LOC400499: variants seen among roughly 807,000 people sequenced by gnomAD.
At chr16:11,517,029 G>C in the LOC400499 span, among the ~76,000 whole-genome samples, 1 of 152,114 alleles carries the variant, frequency 6.6e-6, no homozygotes, top group Non-Finnish European at 1.5e-5. Context: ...CCCCTCTTCT[G>C]CCTAAAGACA....
chr16:11,388,000 G>A, the LOC400499 span, among the ~76,000 whole-genome samples: 1 of 152,076 alleles, frequency 6.6e-6, no homozygotes, highest in Non-Finnish European at 1.5e-5. Context: ...TCAAGCCTGT[G>A]AGATTTGAAT....
the LOC400499 span, among the ~76,000 whole-genome samples, chr16:11,492,069 A>C: frequency 6.6e-6 from 1 of 152,192 alleles, no homozygotes; most frequent in African/African-American, 2.4e-5. Flanking sequence ...GCCCCAGCCT[A>C]GAGCCTCATC....
At chr16:11,405,987 T>A in the LOC400499 span, among the ~76,000 whole-genome samples, 1 of 152,202 alleles carries the variant, frequency 6.6e-6, no homozygotes, top group African/African-American at 2.4e-5. Context: ...GCCCTTTGCA[T>A]GTCTTGTTCC....
At chr16:11,446,610 G>C in the LOC400499 span, 1 of 1,536,114 alleles carries the variant, frequency 6.5e-7, no homozygotes, top group Non-Finnish European at 8.7e-7. Flanking sequence ...CTTTGCCATC[G>C]TATGGATGCA....
chr16:11,496,725 T>C, the LOC400499 span, among the ~76,000 whole-genome samples: 4 of 152,104 alleles, frequency 2.6e-5, no homozygotes, highest in African/African-American at 9.7e-5. Flanking sequence ...TGTGTCTTGG[T>C]GTGCCTATGC....
the LOC400499 span, chr16:11,387,216 G>C: frequency 8.1e-7 from 1 of 1,232,312 alleles, no homozygotes; most frequent in Non-Finnish European, 1.0e-6. Flanking sequence ...TCCTCCATGA[G>C]GTAGCTGGTC....
At chr16:11,515,864 CA>C in the LOC400499 span, 2 of 324,304 alleles carry the variant, frequency 6.2e-6, no homozygotes, top group African/African-American at 2.5e-5. Flanking sequence ...CAGCCCAGCC[CA>C]GCCCAGCCCA....
the LOC400499 span, among the ~76,000 whole-genome samples, chr16:11,513,931 C>G: frequency 7.2e-5 from 11 of 152,090 alleles, no homozygotes; most frequent in Admixed American, 7.2e-4. Context: ...AAGCAATCCT[C>G]CCCCCAGATA....
At chr16:11,453,442 A>G in the LOC400499 span, among the ~76,000 whole-genome samples, 3,156 of 152,238 alleles carry the variant, frequency 0.021, 133 homozygotes, top group African/African-American at 0.073. Flanking sequence ...AAAAAGAAAA[A>G]GGAAACTCCG....
chr16:11,396,934 G>A, the LOC400499 span, among the ~76,000 whole-genome samples: 2 of 152,126 alleles, frequency 1.3e-5, no homozygotes, highest in South Asian at 4.1e-4. Flanking sequence ...TGTTCCTCAA[G>A]GCAGAGTTGT....
chr16:11,412,655 G>A, the LOC400499 span, among the ~76,000 whole-genome samples: 3 of 152,200 alleles, frequency 2.0e-5, no homozygotes, highest in Non-Finnish European at 2.9e-5. Flanking sequence ...GCCTGGAGAG[G>A]ATGAGGGATT....
At chr16:11,441,229 A>T in the LOC400499 span, among the ~76,000 whole-genome samples, 2 of 152,210 alleles carry the variant, frequency 1.3e-5, no homozygotes, top group African/African-American at 4.8e-5. Flanking sequence ...ATAGGGCAGG[A>T]AGCGGGGATG....
the LOC400499 span, chr16:11,431,039 C>G: frequency 2.5e-6 from 1 of 399,122 alleles, no homozygotes; most frequent in Non-Finnish European, 4.4e-6. Context: ...CCCTCACCCT[C>G]TTGAAGTGTC....
the LOC400499 span, among the ~76,000 whole-genome samples, chr16:11,498,958 A>G: frequency 6.9e-6 from 1 of 145,382 alleles, no homozygotes; most frequent in Non-Finnish European, 1.5e-5. Context: ...CTGGTGAGGA[A>G]TGGGGCTGGG....
At chr16:11,421,623 C>T in the LOC400499 span, among the ~76,000 whole-genome samples, 2 of 152,140 alleles carry the variant, frequency 1.3e-5, no homozygotes, top group African/African-American at 4.8e-5. Flanking sequence ...AGGCTGATCT[C>T]GAACTCCTGA....
At chr16:11,385,219 T>G in the LOC400499 span, 1 of 1,232,238 alleles carries the variant, frequency 8.1e-7, no homozygotes, top group Non-Finnish European at 1.0e-6. Context: ...ACCTGCAGAC[T>G]GGGGTAGAGG....
the LOC400499 span, chr16:11,385,432 C>T: frequency 8.1e-7 from 1 of 1,232,054 alleles, no homozygotes; most frequent in Non-Finnish European, 1.0e-6. Context: ...TAGAAGCAGC[C>T]CAAAGGCAGG....
chr16:11,456,170 G>A, the LOC400499 span, among the ~76,000 whole-genome samples: 8 of 151,742 alleles, frequency 5.3e-5, no homozygotes, highest in South Asian at 6.3e-4. Flanking sequence ...TCAGCCTCCC[G>A]AGTAGCTGGC....
the LOC400499 span, chr16:11,385,041 G>C: frequency 4.1e-6 from 5 of 1,232,086 alleles, no homozygotes; most frequent in Non-Finnish European, 5.1e-6. Context: ...TCCCCCGGCA[G>C]GGAGGAGTTG....
Sources: gnomAD v4.1 joint callset for allele counts (sites outside exome capture counted in the v4.1 genomes callset) on GRCh38, gnomAD v4.1.1 for gene constraint, MANE v1.5 for transcripts.